The following B4GALT6 variants were observed in gnomAD, a reference collection of about 807,000 sequenced individuals.
B4GALT6 encodes UDP-Gal:beta-GlcNAc beta-1,4-galactosyltransferase 6.
B4GALT6 carries 14 observed loss-of-function variants against 46.3 expected under a neutral mutation model. That is an observed-to-expected ratio of 0.30 (90% CI 0.20 to 0.47). B4GALT6 has a LOEUF of 0.47. Ranked by LOEUF, B4GALT6 falls within the 20% of genes least tolerant of loss-of-function variation. The pLI, the probability that B4GALT6 is intolerant of heterozygous loss-of-function variation, is 0.99. For missense variants in B4GALT6, 386 were observed against 480.1 expected, an observed-to-expected ratio of 0.80 and a Z score of 1.83; for synonymous variants, 168 against 162.0, an observed-to-expected ratio of 1.04 and a Z score of -0.28.
intron 3 of B4GALT6, among the ~76,000 whole-genome samples, chr18:31,646,720 C>CTAT (rs1252774217): frequency 1.3e-5 from 2 of 152,194 alleles, no homozygotes; most frequent in Non-Finnish European, 2.9e-5. Context: ...TTTGCTCCTG[C>CTAT]TATTCTATAT....
chr18:31,671,936 T>C (rs889360306), intron 1 of B4GALT6, among the ~76,000 whole-genome samples: 1 of 152,196 alleles, frequency 6.6e-6, no homozygotes, highest in Non-Finnish European at 1.5e-5. Flanking sequence ...ATAAAACCTA[T>C]CTTCAACAGT....
At chr18:31,690,207 C>T (rs1416012148), upstream of B4GALT6, among the ~76,000 whole-genome samples, 1 of 152,168 alleles carries the variant, frequency 6.6e-6, no homozygotes, top group Non-Finnish European at 1.5e-5. Context: ...TCTTGGCACA[C>T]TGCAATTTAC....
At chr18:31,668,883 C>T (rs982215453) in intron 1 of B4GALT6, among the ~76,000 whole-genome samples, 20 of 151,378 alleles carry the variant, frequency 1.3e-4, no homozygotes, top group African/African-American at 4.4e-4. Context: ...TGGTGGCGCA[C>T]GCCTGTAACC....
chr18:31,630,866 C>G (rs2073778283), intron 6 of B4GALT6, 93 bp downstream of exon 6: 1 of 1,359,186 alleles, frequency 7.4e-7, no homozygotes, highest in African/African-American at 1.5e-5. Flanking sequence ...TTCTTGAGTT[C>G]TCTCAGATTT....
chr18:31,636,134 A>G (rs1168546857), intron 5 of B4GALT6, among the ~76,000 whole-genome samples: 1 of 152,260 alleles, frequency 6.6e-6, no homozygotes, highest in Non-Finnish European at 1.5e-5. Flanking sequence ...CTCTTAGCTC[A>G]TATCATATCT....
intron 2 of B4GALT6, 28 bp downstream of exon 2, chr18:31,666,228 C>A: frequency 7.4e-7 from 1 of 1,342,680 alleles, no homozygotes; most frequent in Non-Finnish European, 1.0e-6. Flanking sequence ...TTTGTAACTA[C>A]AAGGGGTTAA....
At chr18:31,713,135 T>C in the B4GALT6 span, among the ~76,000 whole-genome samples, 3 of 152,258 alleles carry the variant, frequency 2.0e-5, no homozygotes, top group African/African-American at 7.2e-5. Flanking sequence ...GGTGGATTAC[T>C]TGAGCCTGGG....
At chr18:31,678,989 G>A (rs1276951956) in intron 1 of B4GALT6, among the ~76,000 whole-genome samples, 1 of 152,214 alleles carries the variant, frequency 6.6e-6, no homozygotes, top group East Asian at 1.9e-4. Context: ...GTACCACACT[G>A]CCTCAAAAGG....
chr18:31,645,884 A>AC (rs2073985561), intron 3 of B4GALT6, among the ~76,000 whole-genome samples: 1 of 152,198 alleles, frequency 6.6e-6, no homozygotes, highest in South Asian at 2.1e-4. Context: ...AGTACTTAAC[A>AC]ATGAAATAAG....
At chr18:31,711,418 C>T in the B4GALT6 span, among the ~76,000 whole-genome samples, 3 of 151,820 alleles carry the variant, frequency 2.0e-5, no homozygotes, top group South Asian at 6.3e-4. Flanking sequence ...CACCCTCCAT[C>T]CTCAAGTAGA....
At chr18:31,676,785 G>A (rs1032053911) in intron 1 of B4GALT6, among the ~76,000 whole-genome samples, 3 of 152,140 alleles carry the variant, frequency 2.0e-5, no homozygotes, top group Non-Finnish European at 4.4e-5. Flanking sequence ...CTCCCAGTGT[G>A]CAGAAACATC....
Position 31,638,681 on chromosome 18 carries a change from T to G in B4GALT6, c.551A>C (p.Lys184Thr), listed in dbSNP as rs1214023755. Residue 184 changes from lysine to threonine, a missense_variant, in exon 5 of 9, where the codon AAG becomes ACG. Coordinates refer to ENST00000306851, the MANE Select transcript of B4GALT6 (RefSeq NM_004775.5). ...FFLHLIPMLQ[K>T]QRLEFAFYVI... ...ATAAAACGCAAATTCCAGCCGCTGC[T>G]TCTGGAGCATTGGAATCAGATGTAA... is the stretch of plus-strand genomic sequence containing the variant. The G allele has an allele frequency of 6.2e-7, 1 of 1,614,168 alleles. No individual in the cohort carries two copies. The highest frequency in any genetic ancestry group is 8.5e-7 in the Non-Finnish European group (1 of 1,180,012).
Position 31,622,302 on chromosome 18 carries a change from T to C in B4GALT6, c.*3312A>G, listed in dbSNP as rs1390938298. 1 of 152,040 alleles carries C rather than the reference T, an allele frequency of 6.6e-6. No individual in the cohort carries two copies. The highest frequency in any genetic ancestry group is 2.4e-5 in the African/African-American group (1 of 41,452). 9.4% of individuals were successfully genotyped at this position (152,040 alleles called of 1,614,324 possible). On this transcript the variant is annotated 3_prime_UTR_variant, in exon 9 of 9. Transcript: ENST00000306851. ...TGATAAAAAAGTACAAACATTTCCA[T>C]GAGAAGCAAAAAAAGAAGTGGGATA...
In B4GALT6 at chr18:31,625,837, G is replaced by A. The variant is rs997471752; in HGVS notation, c.1002-76C>T. ...GAAAACTGATAAGGACTGTGTTCAAGGTCATCTTATAATTAAAGCACTTAA... is the reference window on the plus strand; with the variant it reads ...GAAAACTGATAAGGACTGTGTTCAAAGTCATCTTATAATTAAAGCACTTAA... On this transcript the variant is annotated intron_variant, in intron 8 of 8. Coordinates refer to ENST00000306851, the MANE Select transcript of B4GALT6 (RefSeq NM_004775.5). 9 of 1,265,096 alleles carry A rather than the reference G, an allele frequency of 7.1e-6. No individual in the cohort carries two copies. In the African/African-American group the frequency reaches 1.4e-4, roughly 19 times the overall value. The allele number at this position is 1,265,096 out of a possible 1,614,324, so 78.4% of individuals were successfully genotyped here. A position where few individuals can be genotyped will look rare whatever the true frequency, so the allele number is the denominator to read the frequency against.
intron 4 of B4GALT6, 70 bp downstream of exon 4, chr18:31,645,285 T>C: frequency 1.9e-6 from 3 of 1,583,008 alleles, no homozygotes; most frequent in Non-Finnish European, 2.6e-6. Context: ...CTCTGTATTC[T>C]GAATCAAGCA....
the B4GALT6 span, chr18:31,724,434 C>A: frequency 1.7e-5 from 18 of 1,040,902 alleles, no homozygotes; most frequent in Admixed American, 1.5e-4. Flanking sequence ...ATCTCCCACG[C>A]GAATCGCCGC....
At chr18:31,645,533 A>G (rs1270028273) in intron 3 of B4GALT6, 54 bp from the exon 4 acceptor site, 1 of 1,553,444 alleles carries the variant, frequency 6.4e-7, no homozygotes, top group African/African-American at 1.4e-5. Context: ...TCAAAGATCT[A>G]GTAGAACAAA....
At chr18:31,704,962 A>G in the B4GALT6 span, among the ~76,000 whole-genome samples, 1 of 152,248 alleles carries the variant, frequency 6.6e-6, no homozygotes, top group African/African-American at 2.4e-5. Flanking sequence ...TCTACCTACC[A>G]AAAGAATTTG....
At chr18:31,695,880 T>C in the B4GALT6 span, among the ~76,000 whole-genome samples, 1 of 152,098 alleles carries the variant, frequency 6.6e-6, no homozygotes, top group Non-Finnish European at 1.5e-5. Flanking sequence ...AGACCAGGAA[T>C]AACTCCATTC....
Sources: allele counts gnomAD v4.1 joint callset (sites outside exome capture counted in the v4.1 genomes callset), GRCh38; gene constraint gnomAD v4.1.1; transcripts MANE v1.5; gene names NCBI Gene and HGNC (gene_info 2026-07-23, HGNC 2026-07-21).